PTGFR: variants seen among roughly 807,000 people sequenced by gnomAD.
PTGFR encodes the protein prostaglandin F receptor, also known as prostaglandin F2-alpha receptor.
In PTGFR, 15 loss-of-function variants were observed where a neutral mutation model predicts 26.2. The observed-to-expected ratio is 0.57, with a 90% CI of 0.38 to 0.88. The LOEUF (loss-of-function observed/expected upper bound fraction) is 0.88, where lower values mean the gene tolerates loss of function less well. PTGFR is among the 40% of genes least tolerant of loss of function. PTGFR has a pLI of 0.00. For synonymous variants in PTGFR, 165 were observed against 151.1 expected (o/e 1.09, Z -0.68); for missense variants, 369 against 427.2 (o/e 0.86, Z 1.20).
intron 2 of PTGFR, among the ~76,000 whole-genome samples, chr1:78,513,028 T>G (rs1162468359): frequency 6.6e-6 from 1 of 152,208 alleles, no homozygotes; most frequent in African/African-American, 2.4e-5. Flanking sequence ...AACCTTGAGC[T>G]GAAATAAGCC....
intron 2 of PTGFR, among the ~76,000 whole-genome samples, chr1:78,502,766 T>C (rs769870917): frequency 1.3e-5 from 2 of 152,176 alleles, no homozygotes. Context: ...ATCTAACATA[T>C]GTCAGGCACT....
At chr1:78,533,312 G>T (rs1650567093) in intron 2 of PTGFR, among the ~76,000 whole-genome samples, 1 of 152,124 alleles carries the variant, frequency 6.6e-6, no homozygotes, top group African/African-American at 2.4e-5. Context: ...AAATGGAAAA[G>T]ATTTTTTCCT....
intron 2 of PTGFR, among the ~76,000 whole-genome samples, chr1:78,509,184 A>T (rs979605382): frequency 6.6e-6 from 1 of 152,172 alleles, no homozygotes; most frequent in African/African-American, 2.4e-5. Flanking sequence ...ATCAGAAAGG[A>T]ATCAGTGGAT....
chr1:78,497,850 A>G (rs374333425), intron 2 of PTGFR: 1 of 1,482,456 alleles, frequency 6.7e-7, no homozygotes, highest in Non-Finnish European at 9.4e-7. Flanking sequence ...GGAAGGCCAT[A>G]TGTTTGTTTT....
chr1:78,526,168 TA>T, intron 2 of PTGFR, among the ~76,000 whole-genome samples: 1 of 152,194 alleles, frequency 6.6e-6, no homozygotes, highest in East Asian at 1.9e-4. Context: ...TCACTGGGAC[TA>T]AAAAATTATT....
At chr1:78,521,748 CTT>C (rs1650248126) in intron 2 of PTGFR, among the ~76,000 whole-genome samples, 1 of 151,718 alleles carries the variant, frequency 6.6e-6, no homozygotes, top group Non-Finnish European at 1.5e-5. Context: ...AGTGGGCACT[CTT>C]GTCTTGTTCC....
At chr1:78,496,061 C>A (rs1649540687) in intron 2 of PTGFR, among the ~76,000 whole-genome samples, 1 of 152,166 alleles carries the variant, frequency 6.6e-6, no homozygotes, top group Non-Finnish European at 1.5e-5. Context: ...GCATTCTTTG[C>A]ATTCCTGGCT....
chr1:78,521,510 A>G (rs1472138341), intron 2 of PTGFR, among the ~76,000 whole-genome samples: 3 of 152,026 alleles, frequency 2.0e-5, no homozygotes, highest in African/African-American at 7.2e-5. Context: ...TACAGAAATA[A>G]TTGTTTTATT....
chr1:78,522,487 T>G (rs1650267678), intron 2 of PTGFR, among the ~76,000 whole-genome samples: 1 of 152,146 alleles, frequency 6.6e-6, no homozygotes. Context: ...CAGCTTTTGT[T>G]ATGTACTGTT....
intron 2 of PTGFR, among the ~76,000 whole-genome samples, chr1:78,497,477 GA>G (rs1557647472): frequency 6.6e-6 from 1 of 152,074 alleles, no homozygotes; most frequent in East Asian, 1.9e-4. Flanking sequence ...TTGTGAAGGA[GA>G]AAAAAGAGAT....
At chr1:78,511,891 C>A (rs189962893) in intron 2 of PTGFR, among the ~76,000 whole-genome samples, 8 of 151,938 alleles carry the variant, frequency 5.3e-5, no homozygotes, top group African/African-American at 1.9e-4. Context: ...AACACTTTGC[C>A]GCTTGCTTCT....
chr1:78,501,485 A>C (rs1284524844), intron 2 of PTGFR, among the ~76,000 whole-genome samples: 1 of 152,158 alleles, frequency 6.6e-6, no homozygotes, highest in African/African-American at 2.4e-5. Flanking sequence ...TTCTGGGTGT[A>C]ACACAGCTAA....
intron 2 of PTGFR, among the ~76,000 whole-genome samples, chr1:78,511,046 G>C (rs1227969522): frequency 6.6e-6 from 1 of 152,154 alleles, no homozygotes; most frequent in Admixed American, 6.5e-5. Flanking sequence ...GGCTTTGCAG[G>C]GTGCAGCCAC....
At chr1:78,515,590 T>C (rs1312101399) in intron 2 of PTGFR, among the ~76,000 whole-genome samples, 1 of 152,226 alleles carries the variant, frequency 6.6e-6, no homozygotes, top group Non-Finnish European at 1.5e-5. Context: ...TGAGTTTTTT[T>C]ATTGGAGAAA....
At chr1:78,526,070 A>G (rs575776419) in intron 2 of PTGFR, among the ~76,000 whole-genome samples, 1 of 152,096 alleles carries the variant, frequency 6.6e-6, no homozygotes, top group Non-Finnish European at 1.5e-5. Context: ...TTTGTACTAG[A>G]CTTACAGTAT....
Position 78,519,164 on chromosome 1 carries a change from A to G in PTGFR, c.799-17242A>G, listed in dbSNP as rs368153225. ...AGTGGCTACTCCACAATATGTGACT[A>G]CACTGAAACCATCTCTGAGAGTGGA... On this transcript the variant is annotated intron_variant, in intron 2 of 2. Transcript: ENST00000370757. Among the ~76,000 whole-genome samples the G allele has an allele frequency of 1.7e-4, 26 of 152,266 alleles. No homozygotes were observed. The East Asian group carries it at 1.7e-3, about 10-fold the overall frequency.
At chr1:78,530,339 G>C (rs961138030) in intron 2 of PTGFR, among the ~76,000 whole-genome samples, 3 of 152,160 alleles carry the variant, frequency 2.0e-5, no homozygotes, top group African/African-American at 7.2e-5. Flanking sequence ...GGGCACAGAA[G>C]ATTTGGAGCA....
intron 2 of PTGFR, among the ~76,000 whole-genome samples, chr1:78,497,176 T>C (rs1649573682): frequency 6.6e-6 from 1 of 152,152 alleles, no homozygotes; most frequent in Admixed American, 6.5e-5. Flanking sequence ...TGTAGAAATG[T>C]AGTACAAACA....
chr1:78,503,598 A>G lies in PTGFR; in HGVS notation c.798+10057A>G, dbSNP rs1649759858. ...GACATGACCTGGGAAAATATTCCTG[A>G]GACAAATTCTAAGACTCATGCTTTC... On this transcript the variant is annotated intron_variant, in intron 2 of 2. Coordinates refer to ENST00000370757, the MANE Select transcript of PTGFR (RefSeq NM_000959.4). Among the ~76,000 whole-genome samples the G allele has an allele frequency of 2.6e-5, 4 of 152,176 alleles. No individual in the cohort carries two copies. The South Asian group carries it at 8.3e-4, about 32-fold the overall frequency.
Sources: allele counts gnomAD v4.1 joint callset (sites outside exome capture counted in the v4.1 genomes callset), GRCh38; gene constraint gnomAD v4.1.1; transcripts MANE v1.5; gene names NCBI Gene and HGNC (gene_info 2026-07-23, HGNC 2026-07-21).